RBPMS: variants seen among roughly 807,000 people sequenced by gnomAD.
RBPMS encodes RNA binding protein, mRNA processing factor.
A neutral mutation model predicts 26.8 loss-of-function variants in RBPMS; 7 were observed. That is an observed-to-expected ratio of 0.26 (90% CI 0.15 to 0.49). RBPMS has a LOEUF of 0.49. RBPMS is among the 20% of genes least tolerant of loss of function. The probability of loss-of-function intolerance (pLI) is 0.98; values close to 1 mark genes in which losing one functional copy is unlikely to be tolerated. For synonymous variants in RBPMS, 96 were observed against 93.3 expected (o/e 1.03, Z -0.17); for missense variants, 186 against 250.0 (o/e 0.74, Z 1.73).
intron 1 of RBPMS, among the ~76,000 whole-genome samples, chr8:30,424,230 T>C (rs1054985265): frequency 3.9e-5 from 6 of 152,246 alleles, no homozygotes; most frequent in Admixed American, 6.5e-5. Flanking sequence ...CTGACACTTA[T>C]TAGCTGTGCT....
At chr8:30,454,415 T>C (rs2150755662) in intron 1 of RBPMS, among the ~76,000 whole-genome samples, 1 of 152,290 alleles carries the variant, frequency 6.6e-6, no homozygotes, top group African/African-American at 2.4e-5. Flanking sequence ...ATTAGGGGTA[T>C]ATGTGTAGGG....
chr8:30,395,334 G>A (rs760348226), intron 1 of RBPMS, among the ~76,000 whole-genome samples: 2 of 15,330 alleles, frequency 1.3e-4, no homozygotes, highest in African/African-American at 6.2e-4. Flanking sequence ...GCGTGGTGGC[G>A]TGTGCCTGTA....
intron 1 of RBPMS, among the ~76,000 whole-genome samples, chr8:30,455,131 T>C (rs1815052901): frequency 1.3e-5 from 2 of 152,320 alleles, no homozygotes; most frequent in Non-Finnish European, 2.9e-5. Context: ...CCTCAAATTC[T>C]TGTATTTTAT....
chr8:30,415,383 C>T (rs1157770346), intron 1 of RBPMS, among the ~76,000 whole-genome samples: 1 of 152,170 alleles, frequency 6.6e-6, no homozygotes, highest in Non-Finnish European at 1.5e-5. Flanking sequence ...TTGCTGTCTT[C>T]AGGAGAGCCA....
chr8:30,417,750 T>C (rs1810268726), intron 1 of RBPMS, among the ~76,000 whole-genome samples: 1 of 152,108 alleles, frequency 6.6e-6, no homozygotes, highest in African/African-American at 2.4e-5. Flanking sequence ...AGAACTTCCA[T>C]GTTAGTATGT....
intron 1 of RBPMS, among the ~76,000 whole-genome samples, chr8:30,408,892 C>T (rs537806762): frequency 6.6e-6 from 1 of 152,322 alleles, no homozygotes; most frequent in South Asian, 2.1e-4. Context: ...AACTGCTGAT[C>T]TGCTTTTTTT....
At position 30,384,937 on chromosome 8, in the gene RBPMS, C is replaced by G; in HGVS notation, c.-156C>G. On this transcript the variant is annotated 5_prime_UTR_variant, in exon 1 of 9. Coordinates refer to ENST00000397323, the MANE Select transcript of RBPMS (RefSeq NM_001008710.3). The surrounding 1 kb of genome is among the most constrained non-coding windows in gnomAD (Gnocchi z 5.6). ...GCGGGAGCCCCAGCCCAACCCGAGC[C>G]CGACAGCCACTGCCCCGGCTCCAGC... is the stretch of plus-strand genomic sequence containing the variant. The G allele has an allele frequency of 2.3e-6, 1 of 437,502 alleles. No homozygotes were observed. The highest frequency in any genetic ancestry group is 3.8e-6 in the Non-Finnish European group (1 of 260,328). The allele number at this position is 437,502 out of a possible 1,614,324, so 27.1% of individuals were successfully genotyped here. A position where few individuals can be genotyped will look rare whatever the true frequency, so the allele number is the denominator to read the frequency against.
rs530887287 is a variant in RBPMS at position 30,408,537 on chromosome 8, C to T, written c.66+23379C>T. On this transcript the variant is annotated intron_variant, in intron 1 of 8. Transcript: ENST00000397323. ...GAACGAGACTGTCTCAAAAACAAAA[C>T]GAACAAAAATCAAAAGCTCTACTCC... Among the ~76,000 whole-genome samples the T allele has an allele frequency of 3.9e-5, 6 of 151,998 alleles. No individual in the cohort carries two copies. The East Asian group carries it at 9.7e-4, about 24-fold the overall frequency.
intron 8 of RBPMS, among the ~76,000 whole-genome samples, chr8:30,568,586 CCT>C (rs1267582678): frequency 6.6e-6 from 1 of 152,160 alleles, no homozygotes; most frequent in African/African-American, 2.4e-5. Flanking sequence ...AGATTTGTTC[CCT>C]GTCTTGACGT....
chr8:30,431,930 G>A (rs117110109), intron 1 of RBPMS, among the ~76,000 whole-genome samples: 14,067 of 151,768 alleles, frequency 0.093, 1,330 homozygotes, highest in African/African-American at 0.24. Context: ...AGACCAGTCT[G>A]GGCAACATAG....
chr8:30,435,851 C>G (rs1812398206), intron 1 of RBPMS, among the ~76,000 whole-genome samples: 1 of 152,186 alleles, frequency 6.6e-6, no homozygotes, highest in Non-Finnish European at 1.5e-5. Context: ...TGTCATCCAG[C>G]CTAGAGTGCA....
intron 1 of RBPMS, among the ~76,000 whole-genome samples, chr8:30,433,899 T>A (rs1406115749): frequency 6.6e-6 from 1 of 152,242 alleles, no homozygotes; most frequent in East Asian, 1.9e-4. Context: ...ATATGATCTA[T>A]TTCAACAGTT....
chr8:30,472,247 A>G (rs1411499628), intron 1 of RBPMS, among the ~76,000 whole-genome samples: 1 of 152,262 alleles, frequency 6.6e-6, no homozygotes, highest in Non-Finnish European at 1.5e-5. Flanking sequence ...GATACATTCA[A>G]CAACATAGAT....
At position 30,472,842 on chromosome 8, in the gene RBPMS, G is replaced by A. The variant is rs182862893; in HGVS notation, c.67-1937G>A. Among the ~76,000 whole-genome samples, 213 of 152,254 alleles carry A rather than the reference G, an allele frequency of 1.4e-3. 1 individual carries two copies. Among genetic ancestry groups the A allele is most frequent in the Non-Finnish European group, 2.2e-3 (151 of 68,020 alleles). On this transcript the variant is annotated intron_variant, in intron 1 of 8. Coordinates refer to ENST00000397323, the MANE Select transcript of RBPMS (RefSeq NM_001008710.3). ...TGTAATCCCAGCACTGTGGGAGGCC[G>A]AGATGGGAGGATCTCTTGAGCTCAG...
At chr8:30,539,845 C>T (rs964369313) in intron 5 of RBPMS, among the ~76,000 whole-genome samples, 3 of 152,030 alleles carry the variant, frequency 2.0e-5, no homozygotes, top group Admixed American at 6.6e-5. Flanking sequence ...AAGCTGGTCT[C>T]GAACTCCAGA....
chr8:30,386,785 G>T (rs1486497945), intron 1 of RBPMS, among the ~76,000 whole-genome samples: 1 of 152,112 alleles, frequency 6.6e-6, no homozygotes, highest in Non-Finnish European at 1.5e-5. Context: ...AGCTAGATGT[G>T]CAATCTGTTT....
chr8:30,430,396 A>G (rs1185748714), intron 1 of RBPMS, among the ~76,000 whole-genome samples: 1 of 152,208 alleles, frequency 6.6e-6, no homozygotes, highest in Non-Finnish European at 1.5e-5. Context: ...AGGTATTTGC[A>G]AGCTGACAGC....
intron 5 of RBPMS, among the ~76,000 whole-genome samples, chr8:30,521,520 A>G (rs760011717): frequency 8.5e-5 from 13 of 152,212 alleles, no homozygotes; most frequent in Non-Finnish European, 1.8e-4. Context: ...GAAACGTAGT[A>G]GGCTCTTGGT....
chr8:30,555,946 C>G, intron 6 of RBPMS: 1 of 985,446 alleles, frequency 1.0e-6, no homozygotes, highest in Non-Finnish European at 1.2e-6. Flanking sequence ...TGCTGTGCAC[C>G]ATGAGCCCTG....
Sources: allele counts gnomAD v4.1 joint callset (sites outside exome capture counted in the v4.1 genomes callset), GRCh38; gene constraint gnomAD v4.1.1; non-coding constraint Gnocchi (gnomAD v3.1); transcripts MANE v1.5; gene names NCBI Gene and HGNC (gene_info 2026-07-23, HGNC 2026-07-21).